ROCK1: variants seen among roughly 807,000 people sequenced by gnomAD.
ROCK1 encodes the protein Rho associated coiled-coil containing protein kinase 1.
Under a neutral mutation model 196.8 loss-of-function variants are expected in ROCK1, and 36 were observed. That is an observed-to-expected ratio of 0.18 (90% CI 0.14 to 0.24). The LOEUF (loss-of-function observed/expected upper bound fraction) is 0.24, where lower values mean the gene tolerates loss of function less well. Ranked by LOEUF, ROCK1 falls within the 10% of genes least tolerant of loss-of-function variation. The pLI, the probability that ROCK1 is intolerant of heterozygous loss-of-function variation, is 1.00. For missense variants in ROCK1, 920 were observed against 1,562.0 expected, an observed-to-expected ratio of 0.59 and a Z score of 6.93; for synonymous variants, 443 against 515.9, an observed-to-expected ratio of 0.86 and a Z score of 1.91.
intron 11 of ROCK1, among the ~76,000 whole-genome samples, chr18:21,020,894 G>A: frequency 6.6e-6 from 1 of 152,122 alleles, no homozygotes. Context: ...CTGGAGTTGG[G>A]GACTTTACCC....
chr18:21,032,509 T>G (rs1375829483), intron 9 of ROCK1, among the ~76,000 whole-genome samples: 2 of 149,422 alleles, frequency 1.3e-5, no homozygotes, highest in Non-Finnish European at 3.0e-5. Flanking sequence ...TAGGAAAGTT[T>G]TTTTTTTTTT....
chr18:21,003,052 TTA>T (rs1285539356), intron 16 of ROCK1, among the ~76,000 whole-genome samples: 2 of 152,156 alleles, frequency 1.3e-5, no homozygotes, highest in East Asian at 3.8e-4. Flanking sequence ...GATTTTATGT[TTA>T]TGTGTCTCCT....
chr18:21,075,972 GA>G (rs1044508683), intron 1 of ROCK1, among the ~76,000 whole-genome samples: 4 of 144,148 alleles, frequency 2.8e-5, no homozygotes, highest in Non-Finnish European at 4.6e-5. Flanking sequence ...AAAAAGGAAA[GA>G]AAAAAAAGAG....
chr18:21,093,955 C>A (rs2036592023), intron 1 of ROCK1, among the ~76,000 whole-genome samples: 1 of 140,404 alleles, frequency 7.1e-6, no homozygotes. Flanking sequence ...GACTCAATCT[C>A]AAAAAAAAAA....
In ROCK1 at chr18:20,958,671, TA is replaced by T. The variant is rs2035270334; in HGVS notation, c.3512+1168del. Among the ~76,000 whole-genome samples the T allele has an allele frequency of 2.0e-5, 3 of 150,558 alleles. No homozygotes were observed. In the Admixed American group the frequency reaches 2.0e-4, roughly 10 times the overall value. On this transcript the variant is annotated intron_variant, in intron 29 of 32. Coordinates refer to ENST00000399799, the MANE Select transcript of ROCK1 (RefSeq NM_005406.3). ...GAACTGATTCCAGGAACTCCAAAAATATCAAAGTCCAAGTATGCTCAAGGCT... is the reference window on the plus strand; with the variant it reads ...GAACTGATTCCAGGAACTCCAAAAATTCAAAGTCCAAGTATGCTCAAGGCT...
At chr18:21,077,529 T>A (rs945769600) in intron 1 of ROCK1, among the ~76,000 whole-genome samples, 3 of 151,842 alleles carry the variant, frequency 2.0e-5, no homozygotes, top group African/African-American at 7.3e-5. Flanking sequence ...ACACCTGAGG[T>A]AAAAGATGGG....
At chr18:21,041,681 A>G (rs1234235305) in intron 8 of ROCK1, among the ~76,000 whole-genome samples, 1 of 152,176 alleles carries the variant, frequency 6.6e-6, no homozygotes, top group East Asian at 1.9e-4. Flanking sequence ...AAAATGGTTT[A>G]AAGTATAAGG....
At position 20,967,001 on chromosome 18, in the gene ROCK1, A is replaced by G. The variant is rs1368005540; in HGVS notation, c.3268T>C (p.Leu1090=). ...GAGAGGTCCAAAAGTTTAGCACGCAATTGCTCAATATCACTCTCTTTGCTG... is the reference window on the plus strand; with the variant it reads ...GAGAGGTCCAAAAGTTTAGCACGCAGTTGCTCAATATCACTCTCTTTGCTG... ...LASKESDIEQ[L]RAKLLDLSDS... Residue 1090 remains leucine, a synonymous_variant, in exon 27 of 33, where the codon TTG becomes CTG. Transcript: ENST00000399799. 6.2e-6 allele frequency: 10 copies of G among 1,612,596 alleles called. No individual in the cohort carries two copies. Among genetic ancestry groups the G allele is most frequent in the Non-Finnish European group, 8.5e-6 (10 of 1,178,634 alleles).
At chr18:21,033,517 A>C (rs1414936972) in intron 9 of ROCK1, among the ~76,000 whole-genome samples, 1 of 152,240 alleles carries the variant, frequency 6.6e-6, no homozygotes, top group South Asian at 2.1e-4. Context: ...AAGGCATATA[A>C]ATTGGAAAAG....
At chr18:21,066,871 A>G (rs1340632399) in intron 2 of ROCK1, among the ~76,000 whole-genome samples, 1 of 152,242 alleles carries the variant, frequency 6.6e-6, no homozygotes, top group Non-Finnish European at 1.5e-5. Flanking sequence ...CAGCAAACAT[A>G]AAGTTGCCTT....
chr18:20,962,197 ACTG>A (rs1163700061), intron 27 of ROCK1, among the ~76,000 whole-genome samples: 2 of 152,196 alleles, frequency 1.3e-5, no homozygotes, highest in Admixed American at 6.6e-5. Context: ...CATGCAGAAG[ACTG>A]TTGATCACAT....
chr18:21,049,336 C>G (rs116890056), intron 3 of ROCK1, 107 bp from the exon 4 acceptor site: 11,938 of 848,976 alleles, frequency 0.014, 109 homozygotes, highest in Non-Finnish European at 0.017. Flanking sequence ...AATAATTTAG[C>G]CTTACTGTTT....
At chr18:21,089,543 C>T (rs2036553480) in intron 1 of ROCK1, among the ~76,000 whole-genome samples, 1 of 152,156 alleles carries the variant, frequency 6.6e-6, no homozygotes, top group Non-Finnish European at 1.5e-5. Context: ...ACAGATGCTC[C>T]TAGACTTATA....
At chr18:21,019,183 T>G (rs1187274237) in intron 12 of ROCK1, among the ~76,000 whole-genome samples, 1 of 152,184 alleles carries the variant, frequency 6.6e-6, no homozygotes, top group African/African-American at 2.4e-5. Context: ...AGACAGAGTC[T>G]TGCTCTGTCG....
chr18:21,077,331 C>A (rs544979166), intron 1 of ROCK1, among the ~76,000 whole-genome samples: 2 of 152,136 alleles, frequency 1.3e-5, no homozygotes, highest in African/African-American at 4.8e-5. Context: ...CCTACTCCCC[C>A]ACACCTTGAA....
chr18:20,979,337 T>C (rs1221221940), intron 22 of ROCK1, among the ~76,000 whole-genome samples: 1 of 152,134 alleles, frequency 6.6e-6, no homozygotes, highest in Admixed American at 6.6e-5. Flanking sequence ...TTAAAATTGA[T>C]ACTAGCCCAG....
chr18:20,969,259 AT>A (rs775802925), intron 23 of ROCK1, 51 bp from the exon 24 acceptor site: 1 of 1,119,172 alleles, frequency 8.9e-7, no homozygotes, highest in South Asian at 1.3e-5. Flanking sequence ...CTATTCTCGT[AT>A]TTCAGGCAGT....
At chr18:20,991,639 CT>C (rs199626047) in intron 17 of ROCK1, among the ~76,000 whole-genome samples, 11 of 146,218 alleles carry the variant, frequency 7.5e-5, no homozygotes, top group South Asian at 2.2e-4. Context: ...TTTTTCTTTT[CT>C]TTTTTTTTTA....
intron 16 of ROCK1, among the ~76,000 whole-genome samples, chr18:21,002,079 A>G (rs1359611045): frequency 2.0e-5 from 3 of 152,178 alleles, no homozygotes; most frequent in South Asian, 2.1e-4. Flanking sequence ...CCTGATCACA[A>G]TAAGAAATTA....
Sources: gnomAD v4.1 joint callset for allele counts (sites outside exome capture counted in the v4.1 genomes callset) on GRCh38, gnomAD v4.1.1 for gene constraint, MANE v1.5 for transcripts, NCBI Gene and HGNC (gene_info 2026-07-23, HGNC 2026-07-21) for gene names.